The following ADCY5 variants were observed in gnomAD, a reference collection of about 807,000 sequenced individuals.
ADCY5 encodes adenylate cyclase 5, also known as adenylate cyclase type 5.
A neutral mutation model predicts 119.7 loss-of-function variants in ADCY5; 30 were observed. The observed-to-expected ratio is 0.25, with a 90% CI of 0.19 to 0.34. The LOEUF (loss-of-function observed/expected upper bound fraction) is 0.34. Among genes scored for constraint, ADCY5 ranks in the 10% least tolerant of loss-of-function variants. The pLI is 1.00. For missense variants in ADCY5, 1,324 were observed against 1,775.2 expected (o/e 0.75, Z 4.57); for synonymous variants, 753 against 762.2 (o/e 0.99, Z 0.20).
chr3:123,351,743 G>A (rs1248185865), intron 2 of ADCY5, among the ~76,000 whole-genome samples: 3 of 152,146 alleles, frequency 2.0e-5, no homozygotes, highest in Non-Finnish European at 2.9e-5. Flanking sequence ...ACAGGACTCC[G>A]CCCCCAAAGA....
intron 12 of ADCY5, among the ~76,000 whole-genome samples, chr3:123,313,119 G>GCTCTGGCTGACCCTGCCCT (rs1437699366): frequency 2.0e-5 from 3 of 152,214 alleles, no homozygotes; most frequent in African/African-American, 7.2e-5. Flanking sequence ...GTGCCCAATG[G>GCTCTGGCTGACCCTGCCCT]CTCTGGCTGA....
intron 1 of ADCY5, among the ~76,000 whole-genome samples, chr3:123,390,558 A>G (rs924398439): frequency 6.6e-6 from 1 of 152,210 alleles, no homozygotes; most frequent in African/African-American, 2.4e-5. Flanking sequence ...AGGATGATAC[A>G]TGCTTAGATT....
chr3:123,372,699 G>A (rs780389781), intron 1 of ADCY5, among the ~76,000 whole-genome samples: 1 of 152,194 alleles, frequency 6.6e-6, no homozygotes, highest in Non-Finnish European at 1.5e-5. Context: ...ATCTGGGCAA[G>A]AGGCTGGCAA....
intron 9 of ADCY5, 150 bp downstream of exon 9, chr3:123,320,599 C>T: frequency 9.1e-7 from 1 of 1,096,910 alleles, no homozygotes; most frequent in Non-Finnish European, 1.3e-6. Flanking sequence ...CTGCTGACCA[C>T]CTGACGGCTA....
intron 1 of ADCY5, among the ~76,000 whole-genome samples, chr3:123,396,819 C>CAGGCGAGAGAGAGA (rs1944604516): frequency 3.2e-5 from 2 of 62,298 alleles, no homozygotes; most frequent in African/African-American, 1.2e-4. Context: ...GGCAGGCAGG[C>CAGGCGAGAGAGAGA]GAGAGAGAGA....
intron 1 of ADCY5, among the ~76,000 whole-genome samples, chr3:123,401,218 G>T (rs1944741954): frequency 6.6e-6 from 1 of 152,114 alleles, no homozygotes; most frequent in Non-Finnish European, 1.5e-5. Flanking sequence ...TGGATTTGAA[G>T]GTCCCCAAGA....
chr3:123,304,804 A>C (rs1471473800), intron 12 of ADCY5, among the ~76,000 whole-genome samples: 1 of 152,084 alleles, frequency 6.6e-6, no homozygotes, highest in Non-Finnish European at 1.5e-5. Flanking sequence ...ATGTCTACTC[A>C]AAGACCCCCT....
intron 3 of ADCY5, among the ~76,000 whole-genome samples, chr3:123,345,985 G>A (rs1332121160): frequency 6.6e-6 from 1 of 152,208 alleles, no homozygotes; most frequent in Non-Finnish European, 1.5e-5. Context: ...CTTAACCAAC[G>A]AGAGGACAAG....
intron 12 of ADCY5, among the ~76,000 whole-genome samples, chr3:123,306,791 G>A (rs1017755302): frequency 1.1e-4 from 17 of 152,146 alleles, no homozygotes; most frequent in African/African-American, 3.1e-4. Context: ...TAATTTGTAC[G>A]CCCATGTTCA....
chr3:123,441,612 C>A (rs899711087), intron 1 of ADCY5, among the ~76,000 whole-genome samples: 2 of 152,182 alleles, frequency 1.3e-5, no homozygotes, highest in African/African-American at 4.8e-5. Context: ...AACAGAGATC[C>A]CAGCAATAAC....
intron 1 of ADCY5, among the ~76,000 whole-genome samples, chr3:123,358,022 G>A (rs1232333793): frequency 2.0e-5 from 3 of 152,114 alleles, no homozygotes; most frequent in African/African-American, 7.2e-5. Context: ...TTGTGTAAAG[G>A]ACCTAATTAG....
chr3:123,343,540 G>A, intron 3 of ADCY5, among the ~76,000 whole-genome samples: 1 of 152,170 alleles, frequency 6.6e-6, no homozygotes, highest in East Asian at 1.9e-4. Context: ...CTGATGCCGA[G>A]GTCTGTTTGC....
chr3:123,434,089 A>C (rs1279233008), intron 1 of ADCY5, among the ~76,000 whole-genome samples: 2 of 152,252 alleles, frequency 1.3e-5, no homozygotes, highest in African/African-American at 4.8e-5. Context: ...GCCTGAGAGC[A>C]GCTGGGCCCT....
intron 1 of ADCY5, among the ~76,000 whole-genome samples, chr3:123,402,582 G>A (rs1263681056): frequency 6.7e-6 from 1 of 150,230 alleles, no homozygotes; most frequent in African/African-American, 2.5e-5. Flanking sequence ...TGGGCGTGGT[G>A]GCTCACGCCT....
chr3:123,306,613 A>G (rs146541128), intron 12 of ADCY5, among the ~76,000 whole-genome samples: 4 of 152,366 alleles, frequency 2.6e-5, no homozygotes, highest in Non-Finnish European at 5.9e-5. Flanking sequence ...GAGGATGCAG[A>G]GAAACTGGAA....
Position 123,447,576 on chromosome 3 carries a change from T to C in ADCY5, c.970A>G (p.Ser324Gly), listed in dbSNP as rs894446779. 2 of 1,608,324 alleles carry C rather than the reference T, an allele frequency of 1.2e-6. No individual in the cohort carries two copies. Among genetic ancestry groups the C allele is most frequent in the Non-Finnish European group, 1.7e-6 (2 of 1,179,430 alleles). Residue 324 changes from serine (S) to glycine (G), a missense_variant, in exon 1 of 21, where the codon AGC (serine) becomes GGC (glycine). Coordinates refer to ENST00000462833, the MANE Select transcript of ADCY5 (RefSeq NM_183357.3). Reference sequence around the variant, plus strand: ...GTCCACCAGATGCCCTCAGAGGCGCTGCGTGGCTGCGGCAGCAGCAGGCCC... The same window carrying C: ...GTCCACCAGATGCCCTCAGAGGCGCCGCGTGGCTGCGGCAGCAGCAGGCCC... ...VVGLLLPQPRSASEGIWWTVF... is the reference protein window; with the variant it reads ...VVGLLLPQPRGASEGIWWTVF...
At position 123,296,079 on chromosome 3, in the gene ADCY5, C is replaced by T; in HGVS notation, c.3063+5G>A. ...CTCCCCAGGTCCAGCCCCAGGGCCA[C>T]CCACCTGCAGTTTCCAGAGGAAGTC... On this transcript the variant is annotated splice_donor_5th_base_variant and intron_variant, in intron 17 of 20. Coordinates refer to ENST00000462833, the MANE Select transcript of ADCY5 (RefSeq NM_183357.3). 6.2e-7 allele frequency: 1 copy of T among 1,613,758 alleles called. No homozygotes were observed. The highest frequency in any genetic ancestry group is 8.5e-7 in the Non-Finnish European group (1 of 1,179,754).
intron 1 of ADCY5, among the ~76,000 whole-genome samples, chr3:123,407,343 A>G (rs561771938): frequency 6.6e-5 from 10 of 152,308 alleles, no homozygotes; most frequent in African/African-American, 2.4e-4. Context: ...CTGGTCATCA[A>G]AAAGAATGGG....
At chr3:123,399,355 C>A (rs1313436042) in intron 1 of ADCY5, among the ~76,000 whole-genome samples, 1 of 152,198 alleles carries the variant, frequency 6.6e-6, no homozygotes, top group Non-Finnish European at 1.5e-5. Flanking sequence ...TATTAAATTA[C>A]ACATATAGCT....
Sources: gnomAD v4.1 joint callset for allele counts (sites outside exome capture counted in the v4.1 genomes callset) on GRCh38, gnomAD v4.1.1 for gene constraint, MANE v1.5 for transcripts, NCBI Gene and HGNC (gene_info 2026-07-23, HGNC 2026-07-21) for gene names.